The following LGR5 variants were observed in gnomAD, a reference collection of about 807,000 sequenced individuals.
The protein encoded by LGR5 is leucine rich repeat containing G protein-coupled receptor 5, also known as leucine-rich repeat-containing G protein-coupled receptor 5.
A neutral mutation model predicts 76.7 loss-of-function variants in LGR5; 54 were observed. The observed-to-expected ratio is 0.70, with a 90% CI of 0.57 to 0.88. LGR5 has a LOEUF of 0.88. Among genes scored for constraint, LGR5 ranks in the 40% least tolerant of loss-of-function variants. The probability of loss-of-function intolerance (pLI) is 0.00; values close to 1 mark genes in which losing one functional copy is unlikely to be tolerated. For synonymous variants in LGR5, 406 were observed against 421.9 expected (o/e 0.96, Z 0.46); for missense variants, 1,078 against 1,073.3 (o/e 1.00, Z -0.06).
At chr12:71,534,275 G>A (rs1453194494) in intron 3 of LGR5, among the ~76,000 whole-genome samples, 7 of 152,142 alleles carry the variant, frequency 4.6e-5, no homozygotes, top group East Asian at 3.8e-4. Context: ...TTCCTCATTA[G>A]CAATGATATA....
intron 4 of LGR5, 51 bp from the exon 5 acceptor site, chr12:71,553,022 T>C: frequency 6.4e-7 from 1 of 1,562,136 alleles, no homozygotes; most frequent in South Asian, 1.1e-5. Flanking sequence ...AAAGTTGACC[T>C]TCTGCTTGGG....
chr12:71,561,600 G>T (rs531439618), intron 7 of LGR5, among the ~76,000 whole-genome samples, 181 bp from the exon 8 acceptor site: 6 of 152,258 alleles, frequency 3.9e-5, no homozygotes, highest in Non-Finnish European at 5.9e-5. Context: ...GACAGCACAT[G>T]ACTTTTTTTA....
chr12:71,516,448 T>C (rs1157286161), intron 2 of LGR5, among the ~76,000 whole-genome samples: 1 of 152,108 alleles, frequency 6.6e-6, no homozygotes, highest in East Asian at 1.9e-4. Context: ...TGTCGGACCA[T>C]GGTTTCCTGC....
chr12:71,450,726 G>A (rs1700109329), intron 1 of LGR5, among the ~76,000 whole-genome samples: 2 of 152,164 alleles, frequency 1.3e-5, no homozygotes, highest in South Asian at 4.1e-4. Flanking sequence ...TCTTCTAGCA[G>A]TGACATTGCA....
chr12:71,553,759 A>G (rs1290730827), intron 5 of LGR5, among the ~76,000 whole-genome samples: 1 of 152,200 alleles, frequency 6.6e-6, no homozygotes, highest in Admixed American at 6.5e-5. Flanking sequence ...CACTGCCCAA[A>G]TAGAGCCAAT....
chr12:71,481,338 C>A (rs149385061), intron 1 of LGR5, among the ~76,000 whole-genome samples: 1 of 152,008 alleles, frequency 6.6e-6, no homozygotes, highest in African/African-American at 2.4e-5. Flanking sequence ...TGAGTGAGAA[C>A]ATGCAGTGTT....
intron 6 of LGR5, 148 bp from the exon 7 acceptor site, chr12:71,559,438 C>A (rs751148631): frequency 1.7e-6 from 1 of 576,660 alleles, no homozygotes; most frequent in South Asian, 2.4e-5. Context: ...AGTCAGCAAG[C>A]CAAGAAAATC....
In LGR5 at chr12:71,527,308, G is replaced by C. The variant is rs188132741; in HGVS notation, c.356+2831G>C. On this transcript the variant is annotated intron_variant, in intron 3 of 17. Transcript: ENST00000266674. ...TTAGGTTGTTTGTGCTATGATAACG[G>C]AATACCGCAAACTGGGTAATTTATA... Among the ~76,000 whole-genome samples, 197 of 152,274 alleles carry C rather than the reference G, an allele frequency of 1.3e-3. 1 individual carries two copies. Among genetic ancestry groups the C allele is most frequent in the African/African-American group, 4.6e-3 (192 of 41,536 alleles).
chr12:71,546,522 A>G (rs182181894), intron 4 of LGR5, among the ~76,000 whole-genome samples: 102 of 151,796 alleles, frequency 6.7e-4, no homozygotes, highest in African/African-American at 2.3e-3. Context: ...TAGCTTCCTC[A>G]CCTTCCTCTC....
At chr12:71,505,096 G>A (rs1317374995) in intron 2 of LGR5, among the ~76,000 whole-genome samples, 1 of 152,116 alleles carries the variant, frequency 6.6e-6, no homozygotes, top group Non-Finnish European at 1.5e-5. Flanking sequence ...CTTATGACAG[G>A]GAGAATTGAG....
chr12:71,578,842 CTGGGTTACA>C lies in LGR5; in HGVS notation c.1323_1331del (p.His443_Leu445del). ...AACCTCCTGTCGTCTTTTCCTATAA[CTGGGTTACA>C]TGGTTTAACTCACTTAAAATTAACA... On this transcript the variant is annotated inframe_deletion, in exon 15 of 18. Coordinates refer to ENST00000266674, the MANE Select transcript of LGR5 (RefSeq NM_003667.4). The C allele has an allele frequency of 6.2e-7, 1 of 1,610,510 alleles. No homozygotes were observed. Among genetic ancestry groups the C allele is most frequent in the East Asian group, 2.2e-5 (1 of 44,746 alleles).
intron 1 of LGR5, among the ~76,000 whole-genome samples, chr12:71,454,308 T>G (rs1381456511): frequency 6.6e-6 from 1 of 152,150 alleles, no homozygotes; most frequent in African/African-American, 2.4e-5. Flanking sequence ...GCTGATTTAT[T>G]TTACCACTCT....
In LGR5 at chr12:71,584,476, G is replaced by T. The variant is rs1209993088; in HGVS notation, c.2466G>T (p.Leu822Phe). 6.2e-7 allele frequency: 1 copy of T among 1,614,082 alleles called. No homozygotes were observed. The highest frequency in any genetic ancestry group is 1.1e-5 in the South Asian group (1 of 91,080). The change falls in exon 18 of 18, where the codon TTG (leucine) becomes TTT (phenylalanine). Residue 822 changes from leucine to phenylalanine, a missense_variant. By Grantham distance (22) the Leu-to-Phe change is conservative. Transcript: ENST00000266674. ...GTCTCAATCCCCTTCTCTACATCTT[G>T]TTCAATCCTCACTTTAAGGAGGATC... ...PACLNPLLYI[L>F]FNPHFKEDLV... is the part of the protein sequence containing the mutation.
rs141427383 is a variant in LGR5, at chr12:71,474,416, T to C, written c.213-30198T>C. ...CTTTTTAAGACAGTAAAGTATAGAATAAATTACTAAAATATTCCTATACCA... is the reference window on the plus strand; with the variant it reads ...CTTTTTAAGACAGTAAAGTATAGAACAAATTACTAAAATATTCCTATACCA... On this transcript the variant is annotated intron_variant, in intron 1 of 17. Coordinates refer to ENST00000266674, the MANE Select transcript of LGR5 (RefSeq NM_003667.4). 1.6e-3 allele frequency among the ~76,000 whole-genome samples: 251 copies of C among 152,334 alleles called. 3 individuals are homozygous for C. In the East Asian group the frequency reaches 0.025, roughly 15 times the overall value.
chr12:71,442,921 T>C (rs957885936), intron 1 of LGR5, among the ~76,000 whole-genome samples: 2 of 152,174 alleles, frequency 1.3e-5, no homozygotes, highest in Non-Finnish European at 2.9e-5. Flanking sequence ...CCTTTGATGT[T>C]GAAAGGGAAC....
Position 71,584,625 on chromosome 12 carries a change from C to A in LGR5, c.2615C>A (p.Thr872Asn), listed in dbSNP as rs756851094. The A allele has an allele frequency of 6.2e-7, 1 of 1,614,104 alleles. No homozygotes were observed. The highest frequency in any genetic ancestry group is 8.5e-7 in the Non-Finnish European group (1 of 1,180,054). Residue 872 changes from threonine to asparagine, a missense_variant, in exon 18 of 18, where the codon ACC becomes AAC. Physicochemically the swap from Thr to Asn is moderately conservative, Grantham distance 65. Transcript: ENST00000266674. ...CDSTQALVTF[T>N]SSSITYDLPP... is the part of the protein sequence containing the mutation. Reference sequence around the variant, plus strand: ...TCAACTCAAGCCTTGGTAACCTTTACCAGCTCCAGCATCACTTATGACCTG... The same window carrying A: ...TCAACTCAAGCCTTGGTAACCTTTAACAGCTCCAGCATCACTTATGACCTG...
At chr12:71,527,320 C>G (rs889814259) in intron 3 of LGR5, among the ~76,000 whole-genome samples, 1 of 152,124 alleles carries the variant, frequency 6.6e-6, no homozygotes, top group African/African-American at 2.4e-5. Flanking sequence ...ATACCGCAAA[C>G]TGGGTAATTT....
intron 1 of LGR5, among the ~76,000 whole-genome samples, chr12:71,458,735 T>A (rs887909772): frequency 5.5e-5 from 5 of 91,334 alleles, no homozygotes; most frequent in Non-Finnish European, 1.1e-4. Flanking sequence ...ACAATTAATA[T>A]TTTTATCAAC....
intron 1 of LGR5, among the ~76,000 whole-genome samples, chr12:71,449,011 G>T (rs10506631): frequency 0.13 from 19,959 of 152,136 alleles, 2,164 homozygotes; most frequent in African/African-American, 0.3. Flanking sequence ...AGAAATTTGC[G>T]ACCCAAGGGA....
Sources: allele counts gnomAD v4.1 joint callset (sites outside exome capture counted in the v4.1 genomes callset), GRCh38; gene constraint gnomAD v4.1.1; transcripts MANE v1.5; gene names NCBI Gene and HGNC (gene_info 2026-07-23, HGNC 2026-07-21).